Variants in POU2F1 observed in about 807,000 individuals in gnomAD.
POU2F1 encodes the protein POU class 2 homeobox 1.
In POU2F1, 16 loss-of-function variants were observed where a neutral mutation model predicts 84.9. The observed-to-expected ratio is 0.19, with a 90% CI of 0.13 to 0.29. POU2F1 has a LOEUF of 0.29. POU2F1 is among the 10% of genes least tolerant of loss of function. The probability of loss-of-function intolerance (pLI) is 1.00; values close to 1 mark genes in which losing one functional copy is unlikely to be tolerated. For synonymous variants in POU2F1, 368 were observed against 368.3 expected, an observed-to-expected ratio of 1.00 and a Z score of 0.01; for missense variants, 738 against 942.6, an observed-to-expected ratio of 0.78 and a Z score of 2.84.
intron 1 of POU2F1, among the ~76,000 whole-genome samples, chr1:167,229,341 A>G (rs1260706144): frequency 6.6e-6 from 1 of 152,128 alleles, no homozygotes. Context: ...GGAGTAAGTC[A>G]GTGAATTCAC....
intron 8 of POU2F1, among the ~76,000 whole-genome samples, chr1:167,386,339 C>T (rs907066294): frequency 1.1e-4 from 17 of 152,130 alleles, no homozygotes; most frequent in Admixed American, 7.2e-4. Flanking sequence ...GGACTACAGG[C>T]GTGCATCACC....
chr1:167,247,038 ATGTGTGTG>A (rs10592064), intron 1 of POU2F1, among the ~76,000 whole-genome samples: 6 of 74,942 alleles, frequency 8.0e-5, no homozygotes, highest in African/African-American at 1.5e-4. Context: ...TTATATATAT[ATGTGTGTG>A]TGTGTGTGTG....
rs554248452 is a variant in POU2F1, at chr1:167,366,271, A to G, written c.228+704A>G. On this transcript the variant is annotated intron_variant, in intron 3 of 15. Transcript: ENST00000367866. The stretch of plus-strand genomic sequence containing the variant: ...ATTATCAGAGTGTCTCAACCTCTTG[A>G]CTTATGTTCACAATTATATATTAGA... Among the ~76,000 whole-genome samples, 594 of 152,250 alleles carry G rather than the reference A, an allele frequency of 3.9e-3. 2 individuals are homozygous for G. The highest frequency in any genetic ancestry group is 6.8e-3 in the Middle Eastern group (2 of 294).
chr1:167,334,177 T>G (rs1657269347), intron 2 of POU2F1, among the ~76,000 whole-genome samples: 1 of 62,282 alleles, frequency 1.6e-5, no homozygotes, highest in South Asian at 5.3e-4. Flanking sequence ...TTTTTTTTTT[T>G]GAGATGGAAT....
chr1:167,402,848 C>G (rs1293375140), intron 13 of POU2F1, among the ~76,000 whole-genome samples: 1 of 152,202 alleles, frequency 6.6e-6, no homozygotes, highest in Non-Finnish European at 1.5e-5. Context: ...TCCAAATTGA[C>G]TGCCAGTCAC....
intron 6 of POU2F1, among the ~76,000 whole-genome samples, chr1:167,374,809 T>C (rs1660220439): frequency 6.6e-6 from 1 of 152,222 alleles, no homozygotes; most frequent in South Asian, 2.1e-4. Context: ...GGCTCACGCC[T>C]GTAATCCCAG....
chr1:167,398,799 CT>C (rs1194760173), intron 11 of POU2F1, among the ~76,000 whole-genome samples: 1 of 93,464 alleles, frequency 1.1e-5, no homozygotes, highest in Non-Finnish European at 2.1e-5. Context: ...CATGTGATTT[CT>C]TTAAGCTAAA....
At chr1:167,353,699 T>C (rs1273098122) in intron 2 of POU2F1, among the ~76,000 whole-genome samples, 2 of 151,854 alleles carry the variant, frequency 1.3e-5, no homozygotes, top group East Asian at 3.8e-4. Context: ...ACCCAGAATT[T>C]TGTTGCACTT....
rs923025015 is a variant in POU2F1 at position 167,416,834 on chromosome 1, T to C, written c.*1024T>C. The C allele has an allele frequency of 6.6e-6, 1 of 152,236 alleles. No homozygotes were observed. Among genetic ancestry groups the C allele is most frequent in the African/African-American group, 2.4e-5 (1 of 41,442 alleles). The allele number at this position is 152,236 out of a possible 1,614,324, so 9.4% of individuals were successfully genotyped here. A position where few individuals can be genotyped will look rare whatever the true frequency, so the allele number is the denominator to read the frequency against. ...TACTTTCAATGGGAACAGCTGTACATGTTGCAGGGCAGGATTTGGTTCCCA... is the reference window on the plus strand; with the variant it reads ...TACTTTCAATGGGAACAGCTGTACACGTTGCAGGGCAGGATTTGGTTCCCA... On this transcript the variant is annotated 3_prime_UTR_variant, in exon 16 of 16. Coordinates refer to ENST00000367866, the MANE Select transcript of POU2F1 (RefSeq NM_002697.4).
chr1:167,352,681 C>A (rs527775271), intron 2 of POU2F1, among the ~76,000 whole-genome samples: 1 of 152,158 alleles, frequency 6.6e-6, no homozygotes, highest in Non-Finnish European at 1.5e-5. Flanking sequence ...TTTAATGTCC[C>A]TTTCAGCTTT....
At chr1:167,414,702 A>G in intron 15 of POU2F1, 1 of 985,224 alleles carries the variant, frequency 1.0e-6, no homozygotes. Flanking sequence ...CACCTACATC[A>G]TTATGTCTAA....
chr1:167,326,461 G>A (rs1656712923), intron 1 of POU2F1, among the ~76,000 whole-genome samples: 1 of 152,184 alleles, frequency 6.6e-6, no homozygotes, highest in Non-Finnish European at 1.5e-5. Flanking sequence ...GCAAGAGACG[G>A]TGACAGTCCC....
chr1:167,375,145 A>G (rs1660242613), intron 6 of POU2F1, among the ~76,000 whole-genome samples: 1 of 152,216 alleles, frequency 6.6e-6, no homozygotes, highest in Admixed American at 6.5e-5. Flanking sequence ...AAATATATGA[A>G]GAGTTATTAT....
intron 2 of POU2F1, among the ~76,000 whole-genome samples, chr1:167,339,464 G>A (rs1191601564): frequency 6.6e-6 from 1 of 152,148 alleles, no homozygotes; most frequent in African/African-American, 2.4e-5. Flanking sequence ...AGTTTTACAA[G>A]GTTTGGTAGG....
At chr1:167,264,509 T>TA (rs1651800233) in intron 1 of POU2F1, among the ~76,000 whole-genome samples, 2 of 152,180 alleles carry the variant, frequency 1.3e-5, no homozygotes, top group Non-Finnish European at 2.9e-5. Flanking sequence ...TTGTATTTTA[T>TA]ATAAAGTACA....
At chr1:167,234,408 A>G (rs1036572531) in intron 1 of POU2F1, among the ~76,000 whole-genome samples, 10 of 152,166 alleles carry the variant, frequency 6.6e-5, no homozygotes, top group African/African-American at 1.2e-4. Flanking sequence ...GGTAACCCAT[A>G]CATTCTCAAC....
chr1:167,270,911 C>G (rs185507016), intron 1 of POU2F1, among the ~76,000 whole-genome samples: 1 of 152,164 alleles, frequency 6.6e-6, no homozygotes, highest in African/African-American at 2.4e-5. Flanking sequence ...CTATGCTAAT[C>G]TGAAAGCTCT....
intron 13 of POU2F1, among the ~76,000 whole-genome samples, chr1:167,410,427 A>G (rs919021364): frequency 3.9e-5 from 6 of 152,238 alleles, no homozygotes; most frequent in Non-Finnish European, 5.9e-5. Context: ...TGGAAGGACA[A>G]AATTGCCTGA....
At chr1:167,319,255 A>C (rs1656142210) in intron 1 of POU2F1, among the ~76,000 whole-genome samples, 1 of 152,026 alleles carries the variant, frequency 6.6e-6, no homozygotes, top group Non-Finnish European at 1.5e-5. Context: ...CACAAGCATA[A>C]CCTCTACCCC....
Sources: gnomAD v4.1 joint callset for allele counts (sites outside exome capture counted in the v4.1 genomes callset) on GRCh38, gnomAD v4.1.1 for gene constraint, MANE v1.5 for transcripts, NCBI Gene and HGNC (gene_info 2026-07-23, HGNC 2026-07-21) for gene names.